SRPK2: variants seen among roughly 807,000 people sequenced by gnomAD.
The protein encoded by SRPK2 is SFRS protein kinase 2.
A neutral mutation model predicts 90.8 loss-of-function variants in SRPK2; 21 were observed. That is an observed-to-expected ratio of 0.23 (90% CI 0.16 to 0.33). The LOEUF is 0.33. Ranked by LOEUF, SRPK2 falls within the 10% of genes least tolerant of loss-of-function variation. The pLI is 1.00. For missense variants in SRPK2, 620 were observed against 869.0 expected, an observed-to-expected ratio of 0.71 and a Z score of 3.60; for synonymous variants, 288 against 311.1, an observed-to-expected ratio of 0.93 and a Z score of 0.78.
At position 105,192,522 on chromosome 7, in the gene SRPK2, C is replaced by T. The variant is rs190481454; in HGVS notation, c.229+11106G>A. Among the ~76,000 whole-genome samples the T allele has an allele frequency of 7.0e-3, 1,069 of 152,284 alleles. 3 individuals are homozygous for T. Among genetic ancestry groups the T allele is most frequent in the Non-Finnish European group, 0.012 (814 of 68,022 alleles). On this transcript the variant is annotated intron_variant, in intron 3 of 15. Coordinates refer to ENST00000393651, the MANE Select transcript of SRPK2 (RefSeq NM_182692.3). ...GCTATAAACATGCATGAGCAAGTAACTTTTTTATATAACGACTTATTTTCC... is the reference window on the plus strand; with the variant it reads ...GCTATAAACATGCATGAGCAAGTAATTTTTTTATATAACGACTTATTTTCC...
intron 13 of SRPK2, among the ~76,000 whole-genome samples, chr7:105,129,982 C>G (rs1801767751): frequency 1.3e-5 from 2 of 152,118 alleles, no homozygotes; most frequent in South Asian, 4.1e-4. Context: ...CTATCAGAGA[C>G]TCTAATACAT....
intron 2 of SRPK2, among the ~76,000 whole-genome samples, chr7:105,357,679 G>A (rs1014469869): frequency 6.6e-6 from 1 of 151,854 alleles, no homozygotes; most frequent in African/African-American, 2.4e-5. Context: ...AGGAGGCGGA[G>A]GTTACAGTGA....
At chr7:105,382,029 G>C (rs572829638) in intron 2 of SRPK2, among the ~76,000 whole-genome samples, 1 of 151,880 alleles carries the variant, frequency 6.6e-6, no homozygotes, top group African/African-American at 2.4e-5. Flanking sequence ...TTAGCCAGGC[G>C]TGGTGGCACA....
chr7:105,295,015 A>G (rs1358135371), intron 2 of SRPK2, among the ~76,000 whole-genome samples: 1 of 152,140 alleles, frequency 6.6e-6, no homozygotes, highest in Non-Finnish European at 1.5e-5. Flanking sequence ...GTTCGAGACC[A>G]GCTTGTCCAA....
chr7:105,224,197 T>G (rs1321640169), intron 2 of SRPK2, among the ~76,000 whole-genome samples: 1 of 152,222 alleles, frequency 6.6e-6, no homozygotes, highest in African/African-American at 2.4e-5. Context: ...GTCTATATAT[T>G]CATTCAAAAG....
At chr7:105,149,384 A>T (rs141380212) in intron 7 of SRPK2, among the ~76,000 whole-genome samples, 14,283 of 152,122 alleles carry the variant, frequency 0.094, 844 homozygotes, top group South Asian at 0.16. Flanking sequence ...TAATTATGAC[A>T]TAGATTCTAT....
chr7:105,363,994 T>C (rs775957443), intron 2 of SRPK2, among the ~76,000 whole-genome samples: 10 of 126,850 alleles, frequency 7.9e-5, no homozygotes, highest in Admixed American at 3.7e-4. Flanking sequence ...TGAGAACACA[T>C]GGACACAGGG....
At chr7:105,187,849 T>C (rs962333093) in intron 3 of SRPK2, among the ~76,000 whole-genome samples, 1 of 152,188 alleles carries the variant, frequency 6.6e-6, no homozygotes, top group African/African-American at 2.4e-5. Context: ...TCATTCATTA[T>C]AATAGAATTA....
At chr7:105,246,848 G>C (rs1202394359) in intron 2 of SRPK2, among the ~76,000 whole-genome samples, 1 of 152,180 alleles carries the variant, frequency 6.6e-6, no homozygotes, top group Admixed American at 6.5e-5. Flanking sequence ...TCCCTGAACT[G>C]TCAGAGAGAA....
intron 2 of SRPK2, among the ~76,000 whole-genome samples, chr7:105,388,345 T>A (rs935547272): frequency 1.3e-5 from 2 of 150,564 alleles, no homozygotes; most frequent in African/African-American, 2.4e-5. Context: ...AAGGGACGGG[T>A]GCGCACGCCC....
intron 2 of SRPK2, among the ~76,000 whole-genome samples, chr7:105,235,655 T>G (rs919385020): frequency 3.3e-5 from 5 of 152,176 alleles, no homozygotes; most frequent in African/African-American, 4.8e-5. Context: ...TCATATGATC[T>G]ATAAAAGGCA....
At chr7:105,372,199 C>T (rs1819784175) in intron 2 of SRPK2, among the ~76,000 whole-genome samples, 1 of 145,404 alleles carries the variant, frequency 6.9e-6, no homozygotes, top group South Asian at 2.2e-4. Flanking sequence ...TCAAAAAGCA[C>T]TTATAATGAT....
intron 2 of SRPK2, among the ~76,000 whole-genome samples, chr7:105,331,330 A>AAAAAC (rs1814353878): frequency 6.9e-6 from 1 of 144,900 alleles, no homozygotes; most frequent in Non-Finnish European, 1.5e-5. Flanking sequence ...AAAAAAAAAA[A>AAAAAC]AAAAAAACAA....
chr7:105,376,735 G>A (rs1049278438), intron 2 of SRPK2, among the ~76,000 whole-genome samples: 56 of 151,050 alleles, frequency 3.7e-4, no homozygotes, highest in African/African-American at 1.2e-3. Flanking sequence ...ATGGGGTTTC[G>A]CCATGTTGGC....
chr7:105,280,707 G>A (rs1807170775), intron 2 of SRPK2, among the ~76,000 whole-genome samples: 1 of 150,900 alleles, frequency 6.6e-6, no homozygotes, highest in African/African-American at 2.4e-5. Context: ...TAGCACTTTG[G>A]GAGGCCGAGG....
intron 2 of SRPK2, among the ~76,000 whole-genome samples, chr7:105,373,657 C>G (rs998322474): frequency 1.3e-5 from 2 of 152,068 alleles, no homozygotes; most frequent in African/African-American, 2.4e-5. Context: ...CTCGCTTCGG[C>G]CTCCCAAAGT....
chr7:105,359,189 C>T (rs1285826485), intron 2 of SRPK2, among the ~76,000 whole-genome samples: 2 of 131,736 alleles, frequency 1.5e-5, no homozygotes, highest in Non-Finnish European at 3.1e-5. Flanking sequence ...GACAAAGGCT[C>T]GCTCTATCAC....
At position 105,309,653 on chromosome 7, in the gene SRPK2, G is replaced by A. The variant is rs1396247252; in HGVS notation, c.71+78995C>T. 2.0e-5 allele frequency among the ~76,000 whole-genome samples: 3 copies of A among 152,242 alleles called. No homozygotes were observed. The East Asian group carries it at 5.8e-4, about 29-fold the overall frequency. On this transcript the variant is annotated intron_variant, in intron 2 of 15. Coordinates refer to ENST00000393651, the MANE Select transcript of SRPK2 (RefSeq NM_182692.3). ...CATGAAAGCATGCTGACCCAGAGTG[G>A]CCAAATAGTCACATTTTTTTTCAGA...
intron 2 of SRPK2, among the ~76,000 whole-genome samples, chr7:105,287,852 G>C (rs779186940): frequency 6.6e-6 from 1 of 152,178 alleles, no homozygotes; most frequent in South Asian, 2.1e-4. Flanking sequence ...ATTTTTTACA[G>C]ATATTATTTG....
Sources: allele counts gnomAD v4.1 joint callset (sites outside exome capture counted in the v4.1 genomes callset), GRCh38; gene constraint gnomAD v4.1.1; transcripts MANE v1.5; gene names NCBI Gene and HGNC (gene_info 2026-07-23, HGNC 2026-07-21).